Variants in NME7 observed in about 807,000 individuals in gnomAD.
NME7 encodes NME/NM23 family member 7, also known as nucleoside diphosphate kinase 7.
NME7 carries 41 observed loss-of-function variants against 49.1 expected under a neutral mutation model. That is an observed-to-expected ratio of 0.83 (90% confidence interval 0.65 to 1.08). The LOEUF is 1.08. NME7 is among the 50% of genes least tolerant of loss of function. The pLI is 0.00. For synonymous variants in NME7, 139 were observed against 150.6 expected (o/e 0.92, Z 0.56); for missense variants, 423 against 463.4 (o/e 0.91, Z 0.80).
chr1:169,360,048 C>A lies in NME7; in HGVS notation c.3+7660G>T, dbSNP rs189850853. 1.4e-3 allele frequency among the ~76,000 whole-genome samples: 211 copies of A among 152,256 alleles called. 2 individuals are homozygous for A. The highest frequency in any genetic ancestry group is 4.8e-3 in the African/African-American group (200 of 41,554). On this transcript the variant is annotated intron_variant, in intron 1 of 11. Transcript: ENST00000367811. ...AAGTTCATTGGGAATGCTGGAGATA[C>A]TTCTGGAAAGTAAGATACTTCAATC...
chr1:169,284,898 T>A (rs1440816233), intron 7 of NME7: 1 of 152,174 alleles, frequency 6.6e-6, no homozygotes, highest in Admixed American at 6.5e-5. Flanking sequence ...CCTTGCAACA[T>A]ATTTTTCCTT....
At chr1:169,363,598 AT>A (rs1653741746) in intron 1 of NME7, among the ~76,000 whole-genome samples, 2 of 152,016 alleles carry the variant, frequency 1.3e-5, no homozygotes, top group Non-Finnish European at 2.9e-5. Context: ...TTTGCACCAT[AT>A]TTTCCCTACT....
At chr1:169,154,965 A>G (rs1486263819) in intron 11 of NME7, among the ~76,000 whole-genome samples, 7 of 151,728 alleles carry the variant, frequency 4.6e-5, no homozygotes, top group Non-Finnish European at 1.0e-4. Flanking sequence ...TAAAATTTGT[A>G]TAATTTAAAA....
intron 7 of NME7, among the ~76,000 whole-genome samples, chr1:169,243,382 T>C (rs1309331837): frequency 6.6e-6 from 1 of 152,162 alleles, no homozygotes; most frequent in Non-Finnish European, 1.5e-5. Context: ...AATGAAAGGA[T>C]AACACAAATT....
At chr1:169,329,263 T>C (rs1652174343) in intron 1 of NME7, among the ~76,000 whole-genome samples, 1 of 152,074 alleles carries the variant, frequency 6.6e-6, no homozygotes, top group Non-Finnish European at 1.5e-5. Context: ...CGCTCCAAGC[T>C]TCAACTTCCT....
rs1021469764 is a variant in NME7, at chr1:169,265,906, C to T, written c.754+21397G>A. 4.5e-5 allele frequency among the ~76,000 whole-genome samples: 6 copies of T among 132,210 alleles called. 1 individual carries two copies. The allele number at this position is 132,210 out of a possible 152,430, so 86.7% of individuals were successfully genotyped here. ...CCTGGACATGTACATCCTCCCAACACTGAACCAAGAAGAAATTGAATCCTC... is the reference window on the plus strand; with the variant it reads ...CCTGGACATGTACATCCTCCCAACATTGAACCAAGAAGAAATTGAATCCTC... On this transcript the variant is annotated intron_variant, in intron 7 of 11. Coordinates refer to ENST00000367811, the MANE Select transcript of NME7 (RefSeq NM_013330.5).
intron 6 of NME7, among the ~76,000 whole-genome samples, chr1:169,290,678 C>G (rs1422833334): frequency 6.6e-6 from 1 of 152,062 alleles, no homozygotes; most frequent in Non-Finnish European, 1.5e-5. Flanking sequence ...TCTAATTAAA[C>G]TAAAAAGCTT....
intron 1 of NME7, among the ~76,000 whole-genome samples, chr1:169,341,626 C>T (rs1652703652): frequency 6.6e-6 from 1 of 152,144 alleles, no homozygotes; most frequent in Non-Finnish European, 1.5e-5. Flanking sequence ...CGATGCCAGC[C>T]TTTGAAAGCA....
chr1:169,173,691 A>G (rs1433653397), intron 10 of NME7, among the ~76,000 whole-genome samples: 2 of 152,166 alleles, frequency 1.3e-5, no homozygotes, highest in Admixed American at 1.3e-4. Context: ...TAATAACAGC[A>G]CTTCCCCCCT....
intron 7 of NME7, among the ~76,000 whole-genome samples, chr1:169,280,614 C>T (rs888056460): frequency 1.4e-5 from 2 of 147,580 alleles, no homozygotes. Context: ...TTTGATCCAT[C>T]TTGAGTTGAT....
chr1:169,257,859 A>C (rs1007234120), intron 7 of NME7, among the ~76,000 whole-genome samples: 4 of 133,104 alleles, frequency 3.0e-5, no homozygotes, highest in African/African-American at 1.0e-4. Context: ...TAAAGATAAA[A>C]CTCCAATCCC....
chr1:169,332,592 A>G (rs1234443062), intron 1 of NME7, among the ~76,000 whole-genome samples: 1 of 152,250 alleles, frequency 6.6e-6, no homozygotes, highest in Admixed American at 6.5e-5. Flanking sequence ...ATTAATAACC[A>G]GAACACCTAA....
At chr1:169,325,719 T>G (rs1293562750) in intron 1 of NME7, among the ~76,000 whole-genome samples, 3 of 152,144 alleles carry the variant, frequency 2.0e-5, no homozygotes, top group African/African-American at 7.2e-5. Context: ...ATTCTAATGG[T>G]AGAAGTTGTG....
chr1:169,232,878 T>A (rs554842777), intron 9 of NME7, among the ~76,000 whole-genome samples: 1 of 151,218 alleles, frequency 6.6e-6, no homozygotes, highest in Non-Finnish European at 1.5e-5. Context: ...AGTTGCTTTA[T>A]TTTTCTTTTT....
intron 11 of NME7, among the ~76,000 whole-genome samples, chr1:169,138,578 G>T (rs944739238): frequency 1.3e-5 from 2 of 152,094 alleles, no homozygotes; most frequent in African/African-American, 4.8e-5. Context: ...AATTAGCTGG[G>T]TGTGGTGGTG....
At chr1:169,293,969 T>C (rs1341388495) in intron 6 of NME7, among the ~76,000 whole-genome samples, 3 of 152,158 alleles carry the variant, frequency 2.0e-5, no homozygotes, top group African/African-American at 7.2e-5. Flanking sequence ...TCTTCTAAAA[T>C]TACATTTTCT....
At chr1:169,186,331 G>A (rs970794079) in intron 10 of NME7, among the ~76,000 whole-genome samples, 1 of 152,250 alleles carries the variant, frequency 6.6e-6, no homozygotes, top group East Asian at 1.9e-4. Flanking sequence ...ATTTGGACAG[G>A]CTTCATAGGA....
At chr1:169,177,730 CA>C (rs1659794084) in intron 10 of NME7, among the ~76,000 whole-genome samples, 1 of 152,162 alleles carries the variant, frequency 6.6e-6, no homozygotes, top group African/African-American at 2.4e-5. Flanking sequence ...TCCAACTTTT[CA>C]AACTAGTCAC....
rs558774734 is a variant in NME7, at chr1:169,259,755, C to G, written c.755-22068G>C. Among the ~76,000 whole-genome samples, 116 of 134,088 alleles carry G rather than the reference C, an allele frequency of 8.7e-4. 12 individuals are homozygous for G. The highest frequency in any genetic ancestry group is 3.8e-3 in the Middle Eastern group (1 of 260). 88.0% of individuals were successfully genotyped at this position (134,088 alleles called of 152,430 possible). A position where few individuals can be genotyped will look rare whatever the true frequency, so the allele number is the denominator to read the frequency against. On this transcript the variant is annotated intron_variant, in intron 7 of 11. Transcript: ENST00000367811. ...CTTCATATTCTGATTCAGCCCAATA[C>G]TTAAATAAGATTTGGCTTAAAGATT...
Sources: gnomAD v4.1 joint callset for allele counts (sites outside exome capture counted in the v4.1 genomes callset) on GRCh38, gnomAD v4.1.1 for gene constraint, MANE v1.5 for transcripts, NCBI Gene and HGNC (gene_info 2026-07-23, HGNC 2026-07-21) for gene names.